ERC1: variants seen among roughly 807,000 people sequenced by gnomAD.
ERC1 encodes the protein ELKS/RAB6-interacting/CAST family member 1.
A neutral mutation model predicts 132.0 loss-of-function variants in ERC1; 56 were observed. The ratio of observed to expected loss-of-function variants is 0.42; its 90% CI spans 0.34 to 0.53. The LOEUF (loss-of-function observed/expected upper bound fraction) is 0.53. Ranked by LOEUF, ERC1 falls within the 20% of genes least tolerant of loss-of-function variation. ERC1 has a pLI of 0.03. For synonymous variants in ERC1, 478 were observed against 476.1 expected, an observed-to-expected ratio of 1.00 and a Z score of -0.05; for missense variants, 1,202 against 1,349.9, an observed-to-expected ratio of 0.89 and a Z score of 1.72.
chr12:1,148,764 G>C (rs1379087692), intron 8 of ERC1, among the ~76,000 whole-genome samples: 1 of 152,088 alleles, frequency 6.6e-6, no homozygotes, highest in Admixed American at 6.6e-5. Context: ...ACCTCGCCCA[G>C]CTAATTTTTG....
chr12:1,376,921 G>T (rs1384513720), intron 16 of ERC1, among the ~76,000 whole-genome samples: 1 of 152,040 alleles, frequency 6.6e-6, no homozygotes. Context: ...TTCGGTACAC[G>T]CGGTCTTTCT....
intron 12 of ERC1, among the ~76,000 whole-genome samples, chr12:1,215,315 A>G (rs948824619): frequency 2.6e-5 from 4 of 152,188 alleles, no homozygotes; most frequent in African/African-American, 9.7e-5. Flanking sequence ...CTTTTTTTAA[A>G]AAGTAATTTG....
intron 2 of ERC1, among the ~76,000 whole-genome samples, chr12:1,036,762 T>C (rs891642136): frequency 5.3e-5 from 8 of 152,250 alleles, no homozygotes; most frequent in Admixed American, 2.0e-4. Context: ...TCTTAGATTA[T>C]TGTTTTAATT....
chr12:1,447,172 T>G (rs1024051034), intron 18 of ERC1, among the ~76,000 whole-genome samples: 1 of 152,112 alleles, frequency 6.6e-6, no homozygotes, highest in East Asian at 1.9e-4. Flanking sequence ...GGCACATGGC[T>G]ATTCATTTTA....
intron 15 of ERC1, among the ~76,000 whole-genome samples, chr12:1,370,587 G>A (rs1260456305): frequency 2.0e-5 from 3 of 152,212 alleles, no homozygotes; most frequent in African/African-American, 7.2e-5. Flanking sequence ...AATGGATAAA[G>A]TATGTAAGTT....
intron 17 of ERC1, among the ~76,000 whole-genome samples, chr12:1,417,670 A>T (rs2092186130): frequency 6.6e-6 from 1 of 151,624 alleles, no homozygotes; most frequent in Admixed American, 6.6e-5. Context: ...AATCCCAGCT[A>T]CTCGGAAGGC....
At chr12:1,359,889 G>A (rs1227040321) in intron 15 of ERC1, among the ~76,000 whole-genome samples, 1 of 151,996 alleles carries the variant, frequency 6.6e-6, no homozygotes, top group Non-Finnish European at 1.5e-5. Flanking sequence ...CTAACATGGA[G>A]AATATATAGA....
At chr12:1,006,248 C>T (rs1963565699) in intron 1 of ERC1, among the ~76,000 whole-genome samples, 1 of 152,140 alleles carries the variant, frequency 6.6e-6, no homozygotes. Flanking sequence ...TGAACCACTG[C>T]ACCTGGCCAG....
chr12:1,183,465 G>A, intron 11 of ERC1, 44 bp downstream of exon 11: 5 of 1,382,364 alleles, frequency 3.6e-6, no homozygotes, highest in Non-Finnish European at 4.0e-6. Flanking sequence ...CCTTAAATAA[G>A]AACATAGTAG....
Position 1,092,732 on chromosome 12 carries a change from G to A in ERC1, c.1086+9152G>A, listed in dbSNP as rs373239837. 3.3e-5 allele frequency among the ~76,000 whole-genome samples: 5 copies of A among 152,278 alleles called. No individual in the cohort carries two copies. In the East Asian group the frequency reaches 5.8e-4, roughly 18 times the overall value. Reference sequence around the variant, plus strand: ...TCCCAGCACTTTGGGAGGCCAAGGCGGGCGGATCGCCTGAGGCCAGGAGTT... The same window carrying A: ...TCCCAGCACTTTGGGAGGCCAAGGCAGGCGGATCGCCTGAGGCCAGGAGTT... On this transcript the variant is annotated intron_variant, in intron 3 of 18. Transcript: ENST00000360905.
chr12:1,473,648 A>T (rs1481454014), intron 18 of ERC1, among the ~76,000 whole-genome samples: 8 of 150,774 alleles, frequency 5.3e-5, no homozygotes, highest in African/African-American at 1.9e-4. Flanking sequence ...AAAAAAAAAA[A>T]AGGACAGGGA....
At chr12:1,283,235 C>T (rs1178435664) in intron 14 of ERC1, among the ~76,000 whole-genome samples, 1 of 152,204 alleles carries the variant, frequency 6.6e-6, no homozygotes, top group Non-Finnish European at 1.5e-5. Flanking sequence ...AAGGCAGTTA[C>T]ATATTTGAGT....
chr12:1,417,658 G>A (rs1212534144), intron 17 of ERC1, among the ~76,000 whole-genome samples: 1 of 151,776 alleles, frequency 6.6e-6, no homozygotes, highest in Admixed American at 6.6e-5. Context: ...GCGCGTGCCT[G>A]TAATCCCAGC....
intron 12 of ERC1, among the ~76,000 whole-genome samples, chr12:1,191,028 T>A (rs996365978): frequency 2.0e-5 from 3 of 152,236 alleles, no homozygotes; most frequent in Non-Finnish European, 2.9e-5. Context: ...TATTCTATAG[T>A]CATAGAATTT....
intron 16 of ERC1, among the ~76,000 whole-genome samples, chr12:1,396,540 A>T (rs1375717522): frequency 1.3e-5 from 2 of 152,232 alleles, no homozygotes; most frequent in Non-Finnish European, 2.9e-5. Flanking sequence ...ATGTAAACAG[A>T]TGATTAGAAT....
Position 1,241,027 on chromosome 12 carries a change from A to T in ERC1, c.2487+4123A>T, listed in dbSNP as rs1016031774. On this transcript the variant is annotated intron_variant, in intron 13 of 18. Coordinates refer to ENST00000360905, the MANE Select transcript of ERC1 (RefSeq NM_178040.4). ...TTTCACAGAGCAAATTTGTACAGAT[A>T]AATTGTACCCAATTTGGTGATTTCC... 3.9e-5 allele frequency among the ~76,000 whole-genome samples: 6 copies of T among 152,140 alleles called. No homozygotes were observed. In the East Asian group the frequency reaches 1.2e-3, roughly 29 times the overall value.
At chr12:1,008,520 A>G (rs1964122836) in intron 1 of ERC1, among the ~76,000 whole-genome samples, 1 of 152,056 alleles carries the variant, frequency 6.6e-6, no homozygotes, top group African/African-American at 2.4e-5. Flanking sequence ...CAAGTGATCC[A>G]TCCGCTTCAG....
At chr12:1,362,641 T>A (rs1000699188) in intron 15 of ERC1, among the ~76,000 whole-genome samples, 7 of 152,146 alleles carry the variant, frequency 4.6e-5, no homozygotes, top group Non-Finnish European at 1.0e-4. Flanking sequence ...TGATCCTACT[T>A]ATATGAGGTA....
chr12:1,222,143 A>G (rs1041158414), intron 12 of ERC1, among the ~76,000 whole-genome samples: 2 of 152,152 alleles, frequency 1.3e-5, no homozygotes, highest in Non-Finnish European at 2.9e-5. Flanking sequence ...TCTTATATGC[A>G]TCTGCATACA....
Sources: allele counts gnomAD v4.1 joint callset (sites outside exome capture counted in the v4.1 genomes callset), GRCh38; gene constraint gnomAD v4.1.1; transcripts MANE v1.5; gene names NCBI Gene and HGNC (gene_info 2026-07-23, HGNC 2026-07-21).